MSTO1: variants seen among roughly 807,000 people sequenced by gnomAD.
MSTO1 encodes misato mitochondrial distribution and morphology regulator 1.
MSTO1 carries 24 observed loss-of-function variants against 55.7 expected under a neutral mutation model. The observed-to-expected ratio is 0.43, with a 90% confidence interval of 0.31 to 0.61. The LOEUF is 0.61. Among genes scored for constraint, MSTO1 ranks in the 20% least tolerant of loss-of-function variants. MSTO1 has a pLI of 0.09. For missense variants in MSTO1, 363 were observed against 625.7 expected (o/e 0.58, Z 4.48); for synonymous variants, 162 against 252.8 (o/e 0.64, Z 3.41).
the MSTO1 span, among the ~76,000 whole-genome samples, chr1:155,597,822 CT>C: frequency 1.6e-3 from 228 of 138,276 alleles, no homozygotes; most frequent in African/African-American, 2.0e-3. Context: ...TACTTTTTGT[CT>C]TTTTTTTTTT....
In MSTO1 at chr1:155,613,042, T is replaced by C. The variant is rs756041840; in HGVS notation, c.1099-7T>C. ...GTCCTATAACGTGTTCTCTTCCATC[T>C]CTTTAGGTGGTGACAGCAGGAGCAA... On this transcript the variant is annotated splice_region_variant and splice_polypyrimidine_tract_variant and intron_variant, in intron 10 of 13. Coordinates refer to ENST00000245564, the MANE Select transcript of MSTO1 (RefSeq NM_018116.4). The C allele has an allele frequency of 6.2e-7, 1 of 1,613,798 alleles. No homozygotes were observed. The highest frequency in any genetic ancestry group is 1.7e-5 in the Admixed American group (1 of 60,018).
upstream of MSTO1, chr1:155,609,924 A>G (rs1478717245): frequency 1.0e-5 from 4 of 381,204 alleles, no homozygotes; most frequent in Admixed American, 4.5e-5. Flanking sequence ...CAAGACAAGT[A>G]GGAAGCAGAG....
the MSTO1 span, among the ~76,000 whole-genome samples, chr1:155,583,076 G>A: frequency 1.3e-5 from 2 of 151,648 alleles, no homozygotes; most frequent in South Asian, 2.1e-4. Context: ...TGGCCACGTT[G>A]CCGAGGCTGA....
At chr1:155,586,289 C>T in the MSTO1 span, among the ~76,000 whole-genome samples, 14 of 151,474 alleles carry the variant, frequency 9.2e-5, no homozygotes, top group Middle Eastern at 3.4e-3. Context: ...GTGATCCACC[C>T]GCCTCGGCCT....
At chr1:155,587,439 CAAAA>C in the MSTO1 span, among the ~76,000 whole-genome samples, 17 of 52,672 alleles carry the variant, frequency 3.2e-4, no homozygotes, top group Non-Finnish European at 7.0e-5. Flanking sequence ...GACTACGTCT[CAAAA>C]AAAAAAAAAA....
At chr1:155,613,927 AAG>A (rs1226216510) in intron 13 of MSTO1, 130 bp from the exon 14 acceptor site, 1 of 682,648 alleles carries the variant, frequency 1.5e-6, no homozygotes, top group African/African-American at 1.8e-5. Flanking sequence ...CTGGTGTACT[AAG>A]GGGACAATAC....
chr1:155,590,848 G>A, the MSTO1 span: 137 of 1,609,304 alleles, frequency 8.5e-5, no homozygotes, highest in East Asian at 1.4e-3. Context: ...GGCATGCGCC[G>A]TCCAGCAAAC....
At chr1:155,589,536 G>C in the MSTO1 span, among the ~76,000 whole-genome samples, 5 of 152,098 alleles carry the variant, frequency 3.3e-5, no homozygotes, top group African/African-American at 1.2e-4. Context: ...CCGTGAGCAA[G>C]CTGAGGAGCA....
At chr1:155,609,558 T>C (rs1244020209), upstream of MSTO1, among the ~76,000 whole-genome samples, 1 of 152,126 alleles carries the variant, frequency 6.6e-6, no homozygotes, top group Non-Finnish European at 1.5e-5. Context: ...TATTCTTTCT[T>C]TAGAATAGAT....
chr1:155,579,474 C>T, the MSTO1 span, among the ~76,000 whole-genome samples: 4 of 152,124 alleles, frequency 2.6e-5, no homozygotes, highest in African/African-American at 9.7e-5. Context: ...ATTGAGTTCC[C>T]CATCACTGGA....
chr1:155,577,015 C>CAAA, the MSTO1 span, among the ~76,000 whole-genome samples: 3 of 34,644 alleles, frequency 8.7e-5, no homozygotes, highest in East Asian at 1.5e-3. Context: ...AACTCCGTCT[C>CAAA]AAAAAAAAAA....
At chr1:155,589,610 G>A in the MSTO1 span, among the ~76,000 whole-genome samples, 1 of 152,174 alleles carries the variant, frequency 6.6e-6, no homozygotes, top group Admixed American at 6.6e-5. Flanking sequence ...CCTTCAGTCT[G>A]TGGCTAAAGG....
At chr1:155,579,039 G>A in the MSTO1 span, among the ~76,000 whole-genome samples, 1 of 151,502 alleles carries the variant, frequency 6.6e-6, no homozygotes, top group Non-Finnish European at 1.5e-5. Flanking sequence ...CAGGTGTGGT[G>A]GCTCACGCTT....
the MSTO1 span, among the ~76,000 whole-genome samples, chr1:155,601,856 AC>A: frequency 5.9e-5 from 9 of 151,788 alleles, no homozygotes; most frequent in Non-Finnish European, 1.0e-4. Flanking sequence ...CCGGGTTCAC[AC>A]CATTCTCCAG....
chr1:155,570,764 GTGTGTGTGTGTT>G, the MSTO1 span, among the ~76,000 whole-genome samples: 2 of 151,928 alleles, frequency 1.3e-5, no homozygotes, highest in Non-Finnish European at 2.9e-5. Flanking sequence ...GGAAAAAACT[GTGTGTGTGTGTT>G]TGTGTGTGTG....
At chr1:155,590,809 A>T in the MSTO1 span, 15 of 1,606,900 alleles carry the variant, frequency 9.3e-6, no homozygotes, top group Non-Finnish European at 1.3e-5. Context: ...GGCCTCAGCC[A>T]CCAGGGGGTT....
Position 155,614,365 on chromosome 1 carries a change from G to A in MSTO1, c.*92G>A, listed in dbSNP as rs1007662452. ...TTCATGCAGAGGAGCTCAATGTCGC[G>A]GGACTAGCTACACCAACATATGCAC... On this transcript the variant is annotated 3_prime_UTR_variant, in exon 14 of 14. Coordinates refer to ENST00000245564, the MANE Select transcript of MSTO1 (RefSeq NM_018116.4). 2.8e-5 allele frequency: 16 copies of A among 563,826 alleles called. No individual in the cohort carries two copies. The highest frequency in any genetic ancestry group is 6.3e-5 in the South Asian group (3 of 47,912). The allele number at this position is 563,826 out of a possible 1,614,324, so 34.9% of individuals were successfully genotyped here.
At chr1:155,567,279 A>G in the MSTO1 span, among the ~76,000 whole-genome samples, 2 of 149,984 alleles carry the variant, frequency 1.3e-5, no homozygotes, top group Non-Finnish European at 3.0e-5. Context: ...GTGTGTCACC[A>G]CGCCTGTCTA....
upstream of MSTO1, among the ~76,000 whole-genome samples, chr1:155,605,740 C>T (rs546039182): frequency 8.5e-5 from 13 of 152,284 alleles, no homozygotes; most frequent in South Asian, 2.7e-3. Flanking sequence ...CCAGCCATTG[C>T]ACTCCCTCCA....
Sources: allele counts gnomAD v4.1 joint callset (sites outside exome capture counted in the v4.1 genomes callset), GRCh38; gene constraint gnomAD v4.1.1; transcripts MANE v1.5; gene names NCBI Gene and HGNC (gene_info 2026-07-23, HGNC 2026-07-21).